Variants in ZNF367 observed in about 807,000 individuals in gnomAD.
The protein encoded by ZNF367 is zinc finger protein 367, also known as C2H2 zinc finger protein ZFF29.
Under a neutral mutation model 31.8 loss-of-function variants are expected in ZNF367, and 11 were observed. The observed-to-expected ratio is 0.35, with a 90% CI of 0.22 to 0.57. The LOEUF (loss-of-function observed/expected upper bound fraction) is 0.57. ZNF367 is among the 20% of genes least tolerant of loss of function. The probability of loss-of-function intolerance (pLI) is 0.85; values close to 1 mark genes in which losing one functional copy is unlikely to be tolerated. For synonymous variants in ZNF367, 199 were observed against 202.4 expected (o/e 0.98, Z 0.14); for missense variants, 353 against 484.1 (o/e 0.73, Z 2.54).
At position 96,398,321 on chromosome 9, in the gene ZNF367, ATAAT is replaced by A. The variant is rs753065893; in HGVS notation, c.421-11_421-8del. On this transcript the variant is annotated splice_polypyrimidine_tract_variant and splice_region_variant and intron_variant, in intron 1 of 4. Transcript: ENST00000375256. ...TACCACGTCGGATTCCATCCTGTTG[ATAAT>A]TTTTATAAACATTAATATAATTTAT... 3 of 1,593,214 alleles carry A rather than the reference ATAAT, an allele frequency of 1.9e-6. No homozygotes were observed. Among genetic ancestry groups the A allele is most frequent in the Non-Finnish European group, 2.6e-6 (3 of 1,172,286 alleles).
In ZNF367 at chr9:96,417,666, A is replaced by AGGC; in HGVS notation, c.364_366dup (p.Ala122dup). 9.8e-7 allele frequency: 1 copy of AGGC among 1,020,380 alleles called. No homozygotes were observed. Among genetic ancestry groups the AGGC allele is most frequent in the South Asian group, 4.9e-5 (1 of 20,538 alleles). The allele number at this position is 1,020,380 out of a possible 1,614,324, so 63.2% of individuals were successfully genotyped here. On this transcript the variant is annotated inframe_insertion, in exon 1 of 5. Coordinates refer to ENST00000375256, the MANE Select transcript of ZNF367 (RefSeq NM_153695.4). The surrounding 1 kb of genome is among the most constrained non-coding windows in gnomAD (Gnocchi z 5.0). ...GCTTCCTCCTCGTCCTCACCTCCCG[A>AGGC]GGCGGCGGCGGAGGCCGAGGCGGCG...
chr9:96,409,391 G>C (rs1032550167), intron 1 of ZNF367, among the ~76,000 whole-genome samples: 3 of 152,204 alleles, frequency 2.0e-5, no homozygotes, highest in Non-Finnish European at 4.4e-5. Context: ...AGAATGAACA[G>C]AATGTGGAGC....
At chr9:96,409,013 T>A (rs146173270) in intron 1 of ZNF367, among the ~76,000 whole-genome samples, 1 of 152,306 alleles carries the variant, frequency 6.6e-6, no homozygotes, top group African/African-American at 2.4e-5. Flanking sequence ...AGATCCCTCA[T>A]GAACATCTAG....
chr9:96,417,548 C>A lies in ZNF367; in HGVS notation c.420+65G>T. ...CTCGCGTTTTCAACTCCGCCCCGCC[C>A]GCCGCACCGTTAACGGGCCCCGGCT... On this transcript the variant is annotated intron_variant, in intron 1 of 4. Transcript: ENST00000375256. The surrounding 1 kb of genome is among the most constrained non-coding windows in gnomAD (Gnocchi z 5.0). 3.1e-6 allele frequency: 1 copy of A among 319,324 alleles called. No individual in the cohort carries two copies. The highest frequency in any genetic ancestry group is 1.4e-4 in the South Asian group (1 of 7,264). The allele number at this position is 319,324 out of a possible 1,614,324, so 19.8% of individuals were successfully genotyped here.
chr9:96,398,202 C>T lies in ZNF367; in HGVS notation c.533G>A (p.Arg178Gln), dbSNP rs376329385. 1.9e-6 allele frequency: 3 copies of T among 1,605,968 alleles called. No homozygotes were observed. The highest frequency in any genetic ancestry group is 2.6e-6 in the Non-Finnish European group (3 of 1,175,716). Reference sequence around the variant, plus strand: ...TTTGTGAGCCTGGAGCGATTTCTCCCGTGGAAACACCCTATTACAGATGTT... The same window carrying T: ...TTTGTGAGCCTGGAGCGATTTCTCCTGTGGAAACACCCTATTACAGATGTT... ...RCNICNRVFP[R>Q]EKSLQAHKRT... Residue 178 changes from arginine to glutamine, a missense_variant, in exon 2 of 5, where the codon CGG becomes CAG. This residue lies in a region of ZNF367 where 57 missense variants were observed against 141.9 expected (regional missense o/e 0.40). Transcript: ENST00000375256.
intron 4 of ZNF367, among the ~76,000 whole-genome samples, chr9:96,390,820 G>A (rs1831463076): frequency 6.8e-6 from 1 of 147,074 alleles, no homozygotes; most frequent in African/African-American, 2.5e-5. Flanking sequence ...GGAGGTCAAG[G>A]CTCAATGAGC....
In ZNF367 at chr9:96,394,700, G is replaced by A. The variant is rs1387002905; in HGVS notation, c.691+123C>T. ...TGTATCACAATTATCAAAGAAGAAA[G>A]CTTATAAAGTTTTATAAAATTTATA... is the stretch of plus-strand genomic sequence containing the variant. On this transcript the variant is annotated intron_variant, in intron 3 of 4. Coordinates refer to ENST00000375256, the MANE Select transcript of ZNF367 (RefSeq NM_153695.4). 6.6e-6 allele frequency: 6 copies of A among 914,176 alleles called. No homozygotes were observed. The East Asian group carries it at 1.1e-4, about 17-fold the overall frequency. The allele number at this position is 914,176 out of a possible 1,614,324, so 56.6% of individuals were successfully genotyped here. A position where few individuals can be genotyped will look rare whatever the true frequency, so the allele number is the denominator to read the frequency against.
At chr9:96,416,731 A>C (rs902692412) in intron 1 of ZNF367, among the ~76,000 whole-genome samples, 1 of 152,210 alleles carries the variant, frequency 6.6e-6, no homozygotes, top group Non-Finnish European at 1.5e-5. Context: ...ATATTTTTTG[A>C]GCACCTTTAT....
chr9:96,400,568 C>A (rs1356014064), intron 1 of ZNF367, among the ~76,000 whole-genome samples: 1 of 151,742 alleles, frequency 6.6e-6, no homozygotes, highest in African/African-American at 2.4e-5. Context: ...AAAAACTTCA[C>A]TAGAGGATTT....
Position 96,398,263 on chromosome 9 carries a change from T to A in ZNF367, c.472A>T (p.Asn158Tyr). 6.2e-7 allele frequency: 1 copy of A among 1,613,806 alleles called. No individual in the cohort carries two copies. Residue 158 changes from asparagine to tyrosine, a missense_variant, in exon 2 of 5, where the codon AAT becomes TAT. By Grantham distance (143) the Asn-to-Tyr change is moderately radical. Coordinates refer to ENST00000375256, the MANE Select transcript of ZNF367 (RefSeq NM_153695.4). ...PRADTVRDLI[N>Y]EGEHSSSRIR... ...CTGCTGGATGAATGCTCTCCTTCATTTATTAAATCGCGGACAGTATCTGCT... is the reference window on the plus strand; with the variant it reads ...CTGCTGGATGAATGCTCTCCTTCATATATTAAATCGCGGACAGTATCTGCT...
chr9:96,391,881 C>T (rs1275421273), intron 4 of ZNF367, among the ~76,000 whole-genome samples: 9 of 152,108 alleles, frequency 5.9e-5, no homozygotes, highest in African/African-American at 2.2e-4. Context: ...CAGGCTCAAG[C>T]GATTCTTCTG....
chr9:96,402,633 T>G (rs1831621995), intron 1 of ZNF367, among the ~76,000 whole-genome samples: 1 of 132,898 alleles, frequency 7.5e-6, no homozygotes. Flanking sequence ...TTTTTTTTTT[T>G]TTTTTTTTTT....
chr9:96,416,120 C>A lies in ZNF367; in HGVS notation c.420+1493G>T, dbSNP rs1002210275. Among the ~76,000 whole-genome samples the A allele has an allele frequency of 2.1e-5, 3 of 140,706 alleles. No homozygotes were observed. In the East Asian group the frequency reaches 6.2e-4, roughly 29 times the overall value. The allele number at this position is 140,706 out of a possible 152,430, so 92.3% of individuals were successfully genotyped here. ...TTTTTTTTTTTGAGACGGATTCTCG[C>A]TCTTTTGCACAGGCTGGAGCGCAGT... is the stretch of plus-strand genomic sequence containing the variant. On this transcript the variant is annotated intron_variant, in intron 1 of 4. Coordinates refer to ENST00000375256, the MANE Select transcript of ZNF367 (RefSeq NM_153695.4).
chr9:96,411,810 A>G (rs974518537), intron 1 of ZNF367, among the ~76,000 whole-genome samples: 2 of 152,064 alleles, frequency 1.3e-5, no homozygotes, highest in African/African-American at 4.8e-5. Context: ...CACTAAGTGC[A>G]TTCTTTTGGG....
At chr9:96,403,209 C>T (rs1482215253) in intron 1 of ZNF367, among the ~76,000 whole-genome samples, 1 of 152,172 alleles carries the variant, frequency 6.6e-6, no homozygotes, top group Non-Finnish European at 1.5e-5. Flanking sequence ...ACCTCGTGAT[C>T]CACCCGCCTT....
rs1021324004 is a variant in ZNF367 at position 96,386,027 on chromosome 9, A to G, written c.*2210T>C. On this transcript the variant is annotated 3_prime_UTR_variant, in exon 5 of 5. Transcript: ENST00000375256. The stretch of plus-strand genomic sequence containing the variant: ...ATGCTGTTAACTCTGCCAAACTACA[A>G]CTTAGCCATATGAAGCATAAAACAC... 9 of 152,288 alleles carry G rather than the reference A, an allele frequency of 5.9e-5. No homozygotes were observed. Among genetic ancestry groups the G allele is most frequent in the Non-Finnish European group, 8.8e-5 (6 of 67,996 alleles). 9.4% of individuals were successfully genotyped at this position (152,288 alleles called of 1,614,324 possible).
chr9:96,416,087 GT>G (rs34500193), intron 1 of ZNF367, among the ~76,000 whole-genome samples: 32,268 of 124,816 alleles, frequency 0.26, 4,217 homozygotes, highest in African/African-American at 0.43. Flanking sequence ...TTTTTTTGTT[GT>G]TTTTTTTTTT....
chr9:96,405,264 G>A (rs928990327), intron 1 of ZNF367, among the ~76,000 whole-genome samples: 43 of 137,442 alleles, frequency 3.1e-4, no homozygotes, highest in East Asian at 6.4e-4. Context: ...GCAGTGAGCC[G>A]AGATCACACC....
At chr9:96,390,385 T>C (rs1259178353) in intron 4 of ZNF367, among the ~76,000 whole-genome samples, 1 of 152,188 alleles carries the variant, frequency 6.6e-6, no homozygotes, top group East Asian at 1.9e-4. Context: ...TGGCAAAAGA[T>C]AAGTTCAGCA....
Sources: allele counts gnomAD v4.1 joint callset (sites outside exome capture counted in the v4.1 genomes callset), GRCh38; gene constraint gnomAD v4.1.1; regional missense constraint gnomAD v4.1.1; non-coding constraint Gnocchi (gnomAD v3.1); transcripts MANE v1.5; gene names NCBI Gene and HGNC (gene_info 2026-07-23, HGNC 2026-07-21).